Variants in GPM6A observed in about 807,000 individuals in gnomAD.
GPM6A encodes glycoprotein M6A, also known as neuronal membrane glycoprotein M6-a.
Under a neutral mutation model 32.1 loss-of-function variants are expected in GPM6A, and 7 were observed. That is an observed-to-expected ratio of 0.22 (90% CI 0.12 to 0.41). The LOEUF is 0.41. Ranked by LOEUF, GPM6A falls within the 10% of genes least tolerant of loss-of-function variation. The pLI is 1.00. For synonymous variants in GPM6A, 130 were observed against 123.4 expected (o/e 1.05, Z -0.35); for missense variants, 235 against 347.2 (o/e 0.68, Z 2.57).
At chr4:175,759,097 T>C (rs753596333) in intron 1 of GPM6A, among the ~76,000 whole-genome samples, 7 of 152,182 alleles carry the variant, frequency 4.6e-5, no homozygotes, top group Non-Finnish European at 8.8e-5. Context: ...AAGTGTCCAT[T>C]GAGTGCCAGC....
chr4:175,815,641 A>C (rs1313602581), upstream of GPM6A, among the ~76,000 whole-genome samples: 1 of 151,576 alleles, frequency 6.6e-6, no homozygotes, highest in African/African-American at 2.4e-5. Context: ...ACACATTTTG[A>C]GGCCAGGAGT....
chr4:175,957,819 T>G (rs563681021), intron 1 of GPM6A, among the ~76,000 whole-genome samples: 1 of 152,226 alleles, frequency 6.6e-6, no homozygotes. Flanking sequence ...TTTGTAACAT[T>G]AATGTAACTT....
At position 175,701,552 on chromosome 4, in the gene GPM6A, CAAG is replaced by C; in HGVS notation, c.230+20_230+22del. The C allele has an allele frequency of 6.4e-7, 1 of 1,561,996 alleles. No individual in the cohort carries two copies. On this transcript the variant is annotated intron_variant, in intron 2 of 6. Transcript: ENST00000393658. ...GTGTAAATATATACATGGAAAATAA[CAAG>C]AAATACTAGAGTGACTTACATGGTA... is the stretch of plus-strand genomic sequence containing the variant.
chr4:175,972,824 C>T (rs1740548320), intron 1 of GPM6A, among the ~76,000 whole-genome samples: 1 of 152,084 alleles, frequency 6.6e-6, no homozygotes, highest in Non-Finnish European at 1.5e-5. Context: ...CTTTTCTATG[C>T]TGTGACAATG....
Position 175,738,092 on chromosome 4 carries a change from C to A in GPM6A, c.38-36325G>T, listed in dbSNP as rs149944994. ...AGCTGGGACCACAGGCATGTGCCAA[C>A]ACGCCTGGCTAAATTTTGTATTTTT... On this transcript the variant is annotated intron_variant, in intron 1 of 6. Coordinates refer to ENST00000393658, the MANE Select transcript of GPM6A (RefSeq NM_201591.3). 9.9e-3 allele frequency among the ~76,000 whole-genome samples: 1,508 copies of A among 152,256 alleles called. 23 individuals are homozygous for A. The highest frequency in any genetic ancestry group is 0.034 in the African/African-American group (1,418 of 41,558).
intron 1 of GPM6A, among the ~76,000 whole-genome samples, chr4:175,991,959 A>G (rs1489710730): frequency 1.3e-5 from 2 of 152,012 alleles, no homozygotes; most frequent in Non-Finnish European, 2.9e-5. Flanking sequence ...TGATTCCATC[A>G]TAACAGCCAC....
intron 1 of GPM6A, among the ~76,000 whole-genome samples, chr4:175,797,021 A>G (rs549789019): frequency 1.4e-4 from 21 of 152,206 alleles, no homozygotes; most frequent in Admixed American, 5.9e-4. Flanking sequence ...CTCTCAGATT[A>G]CTAAGGATTC....
chr4:175,651,833 C>T lies in GPM6A; in HGVS notation c.541+1G>A. 6.2e-7 allele frequency: 1 copy of T among 1,611,130 alleles called. No homozygotes were observed. ...AGTTTAGAGATCCAATATCCACTTA[C>T]CAAACTGACGAAGGTCCAAGCAGAG... On this transcript the variant is annotated splice_donor_variant, in intron 4 of 6. Coordinates refer to ENST00000393658, the MANE Select transcript of GPM6A (RefSeq NM_201591.3). LOFTEE classifies it high-confidence loss of function.
chr4:175,728,599 T>G (rs1204067355), intron 1 of GPM6A, among the ~76,000 whole-genome samples: 1 of 152,200 alleles, frequency 6.6e-6, no homozygotes, highest in African/African-American at 2.4e-5. Flanking sequence ...TGTTTTCTCA[T>G]ATAATTGTTT....
At chr4:175,648,363 A>C (rs1185007860) in intron 4 of GPM6A, among the ~76,000 whole-genome samples, 1 of 152,168 alleles carries the variant, frequency 6.6e-6, no homozygotes, top group Non-Finnish European at 1.5e-5. Flanking sequence ...TAAGCCGTGA[A>C]GGGGAATTAA....
intron 1 of GPM6A, among the ~76,000 whole-genome samples, chr4:175,994,817 AT>A (rs777047285): frequency 3.3e-5 from 5 of 152,176 alleles, no homozygotes; most frequent in Non-Finnish European, 7.4e-5. Context: ...GTTGGTTAGC[AT>A]TTTACTCATA....
At chr4:175,696,802 T>C (rs1425690858) in intron 2 of GPM6A, among the ~76,000 whole-genome samples, 1 of 152,170 alleles carries the variant, frequency 6.6e-6, no homozygotes, top group Non-Finnish European at 1.5e-5. Context: ...CTTACACTCA[T>C]CCATTAAGCT....
At chr4:175,886,137 A>C (rs995768903) in intron 1 of GPM6A, among the ~76,000 whole-genome samples, 93 of 152,310 alleles carry the variant, frequency 6.1e-4, no homozygotes, top group African/African-American at 2.1e-3. Context: ...CACCTGTCTA[A>C]TAAAACACAC....
At chr4:175,866,194 C>A (rs1017935360) in intron 1 of GPM6A, among the ~76,000 whole-genome samples, 6 of 152,054 alleles carry the variant, frequency 3.9e-5, no homozygotes, top group African/African-American at 1.4e-4. Flanking sequence ...TCCCCTTATG[C>A]CGACACATGC....
At chr4:175,766,876 A>G (rs1301982144) in intron 1 of GPM6A, among the ~76,000 whole-genome samples, 1 of 151,836 alleles carries the variant, frequency 6.6e-6, no homozygotes, top group Non-Finnish European at 1.5e-5. Flanking sequence ...GCTGGTCTTG[A>G]ACTCCTGACC....
At chr4:175,833,567 T>G (rs1735679218) in intron 1 of GPM6A, among the ~76,000 whole-genome samples, 1 of 152,164 alleles carries the variant, frequency 6.6e-6, no homozygotes, top group African/African-American at 2.4e-5. Context: ...AAATAAATAT[T>G]TTTGGTGAAG....
At chr4:175,854,645 A>C (rs1193624318) in intron 1 of GPM6A, among the ~76,000 whole-genome samples, 2 of 152,182 alleles carry the variant, frequency 1.3e-5, no homozygotes, top group African/African-American at 4.8e-5. Flanking sequence ...GCAGTGGTGC[A>C]AAAAAGAAAA....
intron 1 of GPM6A, among the ~76,000 whole-genome samples, chr4:175,783,659 T>C (rs934514758): frequency 3.3e-5 from 5 of 151,980 alleles, no homozygotes; most frequent in Non-Finnish European, 5.9e-5. Flanking sequence ...TATACTTTAA[T>C]TGGGAAATGG....
intron 1 of GPM6A, among the ~76,000 whole-genome samples, chr4:175,847,041 C>T (rs774977208): frequency 6.6e-6 from 1 of 152,052 alleles, no homozygotes; most frequent in South Asian, 2.1e-4. Flanking sequence ...TCAAACAATA[C>T]TAAAACATAT....
Sources: gnomAD v4.1 joint callset for allele counts (sites outside exome capture counted in the v4.1 genomes callset) on GRCh38, gnomAD v4.1.1 for gene constraint, MANE v1.5 for transcripts, NCBI Gene and HGNC (gene_info 2026-07-23, HGNC 2026-07-21) for gene names.